TAF4: variants seen among roughly 807,000 people sequenced by gnomAD.
TAF4 encodes transcription initiation factor TFIID subunit 4.
TAF4 carries 9 observed loss-of-function variants against 90.3 expected under a neutral mutation model. That is an observed-to-expected ratio of 0.10 (90% CI 0.06 to 0.17). The LOEUF is 0.17. Ranked by LOEUF, TAF4 falls within the 10% of genes least tolerant of loss-of-function variation. The probability of loss-of-function intolerance (pLI) is 1.00; values close to 1 mark genes in which losing one functional copy is unlikely to be tolerated. For missense variants in TAF4, 1,351 were observed against 1,370.7 expected, an observed-to-expected ratio of 0.99 and a Z score of 0.23; for synonymous variants, 818 against 638.9, an observed-to-expected ratio of 1.28 and a Z score of -4.23.
intron 1 of TAF4, among the ~76,000 whole-genome samples, chr20:62,050,883 C>T (rs1306429135): frequency 6.6e-6 from 1 of 152,162 alleles, no homozygotes; most frequent in African/African-American, 2.4e-5. Flanking sequence ...CCTGCACCCA[C>T]CCAGCAAGGC....
chr20:61,976,380 G>C (rs200614049), intron 14 of TAF4, 45 bp from the exon 15 acceptor site: 2 of 1,604,202 alleles, frequency 1.2e-6, no homozygotes, highest in East Asian at 2.2e-5. Flanking sequence ...GGGGCTCAGA[G>C]TGGGGCTTGC....
Position 62,064,649 on chromosome 20 carries a change from C to T in TAF4, c.1162G>A (p.Ala388Thr). 1 of 1,322,208 alleles carries T rather than the reference C, an allele frequency of 7.6e-7. No homozygotes were observed. Among genetic ancestry groups the T allele is most frequent in the Non-Finnish European group, 9.6e-7 (1 of 1,043,208 alleles). The allele number at this position is 1,322,208 out of a possible 1,614,324, so 81.9% of individuals were successfully genotyped here. A position where few individuals can be genotyped will look rare whatever the true frequency, so the allele number is the denominator to read the frequency against. ...TMQGALPSPA[A>T]VPPPAPGTPT... ...GTCCCGGGGGCGGGCGGCGGGACGGCGGCCGGGCTGGGCAGCGCCCCTTGC... is the reference window on the plus strand; with the variant it reads ...GTCCCGGGGGCGGGCGGCGGGACGGTGGCCGGGCTGGGCAGCGCCCCTTGC... The change falls in exon 1 of 15, where the codon GCC (alanine) becomes ACC (threonine). Residue 388 changes from alanine (A) to threonine (T), a missense_variant. By Grantham distance (58) the Ala-to-Thr change is moderately conservative (BLOSUM62 0). This residue lies in a region of TAF4 where 782 missense variants were observed against 536.6 expected (regional missense o/e 1.46). Transcript: ENST00000252996.
intron 2 of TAF4, among the ~76,000 whole-genome samples, chr20:62,013,856 T>C (rs2055793843): frequency 6.6e-6 from 1 of 150,896 alleles, no homozygotes; most frequent in South Asian, 2.1e-4. Context: ...GAATCCGTGC[T>C]CCCTACCACA....
At position 61,997,649 on chromosome 20, in the gene TAF4, T is replaced by A. The variant is rs200257941; in HGVS notation, c.2991A>T (p.Ala997=). 1.2e-6 allele frequency: 2 copies of A among 1,611,956 alleles called. No homozygotes were observed. The highest frequency in any genetic ancestry group is 1.3e-5 in the African/African-American group (1 of 74,842). Reference sequence around the variant, plus strand: ...GGTTGGCGTCCCGCTGTCTCATTTGTGCCAGTTCCTGTTGCTGCATCTTTT... The same window carrying A: ...GGTTGGCGTCCCGCTGTCTCATTTGAGCCAGTTCCTGTTGCTGCATCTTTT... ...KAKEMQQQEL[A]QMRQRDANLT... Residue 997 remains alanine (A), a synonymous_variant, in exon 14 of 15, where the codon GCA becomes GCT. Transcript: ENST00000252996.
intron 1 of TAF4, among the ~76,000 whole-genome samples, chr20:62,040,807 G>A (rs956593181): frequency 6.6e-6 from 1 of 152,154 alleles, no homozygotes; most frequent in Non-Finnish European, 1.5e-5. Flanking sequence ...CACACCTTCC[G>A]TACGACTCAG....
intron 1 of TAF4, among the ~76,000 whole-genome samples, chr20:62,022,608 G>A (rs1014617879): frequency 7.2e-5 from 11 of 152,276 alleles, no homozygotes; most frequent in Admixed American, 3.9e-4. Context: ...TCCAGCGTGC[G>A]CTCCTTACAC....
At chr20:62,024,496 C>T (rs142709632) in intron 1 of TAF4, among the ~76,000 whole-genome samples, 4 of 152,328 alleles carry the variant, frequency 2.6e-5, no homozygotes, top group Admixed American at 6.5e-5. Flanking sequence ...AGGCACAGAA[C>T]GGACAGACTC....
rs528500054 is a variant in TAF4, at chr20:62,052,922, C to G, written c.1360+11529G>C. Reference sequence around the variant, plus strand: ...CGTACCATCAGGTCCCTCACACCACCCCACAAAACGCCATTTCCTTCACAC... The same window carrying G: ...CGTACCATCAGGTCCCTCACACCACGCCACAAAACGCCATTTCCTTCACAC... On this transcript the variant is annotated intron_variant, in intron 1 of 14. Transcript: ENST00000252996. Among the ~76,000 whole-genome samples, 383 of 151,630 alleles carry G rather than the reference C, an allele frequency of 2.5e-3. 2 individuals carry two copies. The highest frequency in any genetic ancestry group is 8.7e-3 in the African/African-American group (358 of 41,268).
rs556009849 is a variant in TAF4 at position 62,035,968 on chromosome 20, A to AGAAGT, written c.1361-21266_1361-21262dup. Among the ~76,000 whole-genome samples, 16 of 152,300 alleles carry AGAAGT rather than the reference A, an allele frequency of 1.1e-4. No homozygotes were observed. The East Asian group carries it at 3.1e-3, about 29-fold the overall frequency. On this transcript the variant is annotated intron_variant, in intron 1 of 14. Coordinates refer to ENST00000252996, the MANE Select transcript of TAF4 (RefSeq NM_003185.4). The stretch of plus-strand genomic sequence containing the variant: ...TTAATTTCCTCTATATTAAAGGAAA[A>AGAAGT]GAAGTTAAATGAAATTAATTTTCAT...
chr20:62,019,255 G>A (rs1053139450), intron 1 of TAF4, among the ~76,000 whole-genome samples: 4 of 152,204 alleles, frequency 2.6e-5, no homozygotes, highest in Non-Finnish European at 2.9e-5. Flanking sequence ...GCCACTCAGT[G>A]TGCACCGTGC....
chr20:62,033,146 C>T (rs548688752), intron 1 of TAF4, among the ~76,000 whole-genome samples: 2 of 152,238 alleles, frequency 1.3e-5, no homozygotes, highest in African/African-American at 4.8e-5. Context: ...AAGAGTGAGG[C>T]CACAGATGAG....
At chr20:61,998,467 C>T (rs879830038) in intron 12 of TAF4, among the ~76,000 whole-genome samples, 6 of 152,148 alleles carry the variant, frequency 3.9e-5, no homozygotes, top group African/African-American at 7.2e-5. Context: ...CTGATGTGAC[C>T]GCATGATGGC....
intron 1 of TAF4, among the ~76,000 whole-genome samples, chr20:62,044,130 T>A (rs1244335952): frequency 6.6e-6 from 1 of 152,280 alleles, no homozygotes; most frequent in Non-Finnish European, 1.5e-5. Flanking sequence ...TTTTTTAAAC[T>A]ATTTCCTTCC....
chr20:62,003,968 CT>C, intron 7 of TAF4, 90 bp from the exon 8 acceptor site: 1 of 1,442,742 alleles, frequency 6.9e-7, no homozygotes, highest in African/African-American at 1.4e-5. Context: ...CCTTCCCTTC[CT>C]TTGCACCCCA....
In TAF4 at chr20:61,976,154, G is replaced by C. The variant is rs1394343984; in HGVS notation, c.*14C>G. 1.2e-6 allele frequency: 2 copies of C among 1,612,352 alleles called. No homozygotes were observed. The highest frequency in any genetic ancestry group is 3.3e-5 in the Admixed American group (2 of 59,986). On this transcript the variant is annotated 3_prime_UTR_variant, in exon 15 of 15. Transcript: ENST00000252996. ...TCTGCAAATATATAAAAAGTCCCCA[G>C]GCGTCCTCCTGTGTCACTTAAGGAA... is the stretch of plus-strand genomic sequence containing the variant.
chr20:62,062,887 G>C (rs1285993527), intron 1 of TAF4, among the ~76,000 whole-genome samples: 1 of 152,178 alleles, frequency 6.6e-6, no homozygotes, highest in East Asian at 1.9e-4. Context: ...CAGGCACCTG[G>C]CCTGCGCTGA....
At chr20:62,012,004 C>T (rs1311714191) in intron 3 of TAF4, 2 of 152,394 alleles carry the variant, frequency 1.3e-5, no homozygotes, top group Admixed American at 6.5e-5. Context: ...TCCGCCACCC[C>T]TTCCAGAACA....
chr20:62,030,741 T>C (rs545686639), intron 1 of TAF4, among the ~76,000 whole-genome samples: 6 of 152,186 alleles, frequency 3.9e-5, no homozygotes, highest in Non-Finnish European at 8.8e-5. Context: ...TAATGTTGAA[T>C]TGTCTTATCT....
At chr20:62,026,298 G>A (rs575294435) in intron 1 of TAF4, among the ~76,000 whole-genome samples, 8 of 152,288 alleles carry the variant, frequency 5.3e-5, no homozygotes, top group African/African-American at 1.9e-4. Flanking sequence ...GAGCAACACA[G>A]GGACGTGAGT....
Sources: allele counts gnomAD v4.1 joint callset (sites outside exome capture counted in the v4.1 genomes callset), GRCh38; gene constraint gnomAD v4.1.1; regional missense constraint gnomAD v4.1.1; transcripts MANE v1.5; gene names NCBI Gene and HGNC (gene_info 2026-07-23, HGNC 2026-07-21).